Variants in TMEM204 observed in about 807,000 individuals in gnomAD.
TMEM204 encodes the protein claudin-like protein 24.
TMEM204 carries 15 observed loss-of-function variants against 19.4 expected under a neutral mutation model. The ratio of observed to expected loss-of-function variants is 0.77; its 90% CI spans 0.52 to 1.19. TMEM204 has a LOEUF of 1.19. TMEM204 is among the 50% of genes most tolerant of loss of function. The pLI is 0.00. For missense variants in TMEM204, 287 were observed against 321.2 expected (o/e 0.89, Z 0.81); for synonymous variants, 161 against 146.0 (o/e 1.10, Z -0.74).
intron 1 of TMEM204, among the ~76,000 whole-genome samples, chr16:1,536,169 A>G (rs1596322255): frequency 6.6e-6 from 1 of 152,256 alleles, no homozygotes; most frequent in South Asian, 2.1e-4. Context: ...TGCCACCAAC[A>G]CCCACAGGTG....
rs200683297 is a variant in TMEM204 at position 1,534,548 on chromosome 16, C to T, written c.273C>T (p.Thr91=). The change falls in exon 1 of 3, where the codon ACC becomes ACT. Residue 91 remains threonine (T), a synonymous_variant. Coordinates refer to ENST00000566264, the MANE Select transcript of TMEM204 (RefSeq NM_024600.6). Reference sequence around the variant, plus strand: ...CCGGCTTCCAGGAGTCCCGAGGCACCGTCAAACGTAAGTCCAATTGTTTTC... The same window carrying T: ...CCGGCTTCCAGGAGTCCCGAGGCACTGTCAAACGTAAGTCCAATTGTTTTC... ...EAAGFQESRG[T]VKLQFDMMRA... 11 of 1,602,932 alleles carry T rather than the reference C, an allele frequency of 6.9e-6. No homozygotes were observed. The highest frequency in any genetic ancestry group is 1.3e-5 in the African/African-American group (1 of 74,926).
At chr16:1,540,447 C>T (rs2031525398) in intron 1 of TMEM204, among the ~76,000 whole-genome samples, 1 of 152,234 alleles carries the variant, frequency 6.6e-6, no homozygotes, top group African/African-American at 2.4e-5. Flanking sequence ...GACAGCTTCC[C>T]CTGCTGGGCT....
chr16:1,541,805 G>C, intron 1 of TMEM204, 116 bp from the exon 2 acceptor site: 1 of 1,295,538 alleles, frequency 7.7e-7, no homozygotes, highest in South Asian at 1.5e-5. Context: ...TGGAGGCACA[G>C]CCTGTGCCGA....
rs150087589 is a variant in TMEM204, at chr16:1,551,701, C to T, written c.437-3081C>T. ...TGTTCACGGAAGAGCCTAAGATCAG[C>T]GGCACTTCAGTCTTCTACGGGGTTT... On this transcript the variant is annotated intron_variant, in intron 2 of 2. Coordinates refer to ENST00000566264, the MANE Select transcript of TMEM204 (RefSeq NM_024600.6). This position sits in a 1 kb window ranked among gnomAD's most constrained non-coding sequence, Gnocchi z 4.0. 5.5e-3 allele frequency among the ~76,000 whole-genome samples: 833 copies of T among 152,250 alleles called. 8 individuals carry two copies. The highest frequency in any genetic ancestry group is 0.019 in the African/African-American group (805 of 41,518).
chr16:1,534,460 G>T lies in TMEM204; in HGVS notation c.185G>T (p.Gly62Val). The T allele has an allele frequency of 6.2e-7, 1 of 1,611,304 alleles. No homozygotes were observed. ...AGGACCCGGGGAGGGCCGAGCCCTG[G>T]GGCCAGAGCCGGCCAGGTGGACGCA... The part of the protein sequence containing the change: ...VDRTRGGPSP[G>V]ARAGQVDAHD... The change falls in exon 1 of 3, where the codon GGG becomes GTG. Residue 62 changes from glycine to valine, a missense_variant. Transcript: ENST00000566264.
chr16:1,542,973 C>G (rs889343837), intron 2 of TMEM204, among the ~76,000 whole-genome samples: 1 of 152,254 alleles, frequency 6.6e-6, no homozygotes, highest in African/African-American at 2.4e-5. Context: ...AGTGCTTGAG[C>G]CACAGCAGTG....
intron 2 of TMEM204, 64 bp downstream of exon 2, chr16:1,542,140 A>T: frequency 6.9e-7 from 1 of 1,458,338 alleles, no homozygotes; most frequent in Non-Finnish European, 9.1e-7. Flanking sequence ...GTGCCACAGG[A>T]GGGTCCTGAG....
Position 1,551,648 on chromosome 16 carries a change from A to C in TMEM204, c.437-3134A>C, listed in dbSNP as rs2032644757. On this transcript the variant is annotated intron_variant, in intron 2 of 2. Transcript: ENST00000566264. The surrounding 1 kb of genome is among the most constrained non-coding windows in gnomAD (Gnocchi z 4.0). ...CCTTGAAACGTCCAGCACATTCCTC[A>C]CTGTCGAACCCAACTTCAGGACATG... 6.6e-6 allele frequency among the ~76,000 whole-genome samples: 1 copy of C among 152,178 alleles called. No homozygotes were observed. The highest frequency in any genetic ancestry group is 2.4e-5 in the African/African-American group (1 of 41,438).
chr16:1,553,127 G>C lies in TMEM204; in HGVS notation c.437-1655G>C, dbSNP rs532039270. On this transcript the variant is annotated intron_variant, in intron 2 of 2. Coordinates refer to ENST00000566264, the MANE Select transcript of TMEM204 (RefSeq NM_024600.6). This position sits in a 1 kb window ranked among gnomAD's most constrained non-coding sequence, Gnocchi z 4.4. ...CTGGAGGGTACAGTGATGATGAAAA[G>C]ATAATGCTTGGGTTTTTAGGAAAAA... The C allele has an allele frequency of 3.0e-6, 3 of 985,414 alleles. No individual in the cohort carries two copies. The African/African-American group carries it at 5.2e-5, about 17-fold the overall frequency. 61.0% of individuals were successfully genotyped at this position (985,414 alleles called of 1,614,324 possible). A position where few individuals can be genotyped will look rare whatever the true frequency, so the allele number is the denominator to read the frequency against.
chr16:1,547,717 G>A (rs1393346550), intron 2 of TMEM204, among the ~76,000 whole-genome samples: 3 of 152,110 alleles, frequency 2.0e-5, no homozygotes, highest in Non-Finnish European at 4.4e-5. Context: ...TGTATTTTTG[G>A]TAGAGATGGG....
rs1341593624 is a variant in TMEM204, at chr16:1,555,076, C to T, written c.*50C>T. 1 of 1,561,198 alleles carries T rather than the reference C, an allele frequency of 6.4e-7. No individual in the cohort carries two copies. The highest frequency in any genetic ancestry group is 8.6e-7 in the Non-Finnish European group (1 of 1,156,704). On this transcript the variant is annotated 3_prime_UTR_variant, in exon 3 of 3. Coordinates refer to ENST00000566264, the MANE Select transcript of TMEM204 (RefSeq NM_024600.6). ...ACGCACACCTGCTATCGTGGAACAG[C>T]CTAGAAACCAAGGGACTCCACCACC...
At chr16:1,537,014 C>T (rs1318322913) in intron 1 of TMEM204, among the ~76,000 whole-genome samples, 1 of 152,236 alleles carries the variant, frequency 6.6e-6, no homozygotes, top group African/African-American at 2.4e-5. Flanking sequence ...CTAGCCTGGC[C>T]ACCCCACTGA....
At chr16:1,538,768 C>T (rs2031324662) in intron 1 of TMEM204, among the ~76,000 whole-genome samples, 1 of 152,200 alleles carries the variant, frequency 6.6e-6, no homozygotes, top group East Asian at 1.9e-4. Context: ...AATGTGTGGA[C>T]AGGACGCCCT....
upstream of TMEM204, among the ~76,000 whole-genome samples, chr16:1,529,040 G>A (rs768111111): frequency 1.3e-5 from 2 of 152,188 alleles, no homozygotes; most frequent in African/African-American, 2.4e-5. Flanking sequence ...GGGGCTGGAC[G>A]CAGGTTCCTG....
rs937633249 is a variant in TMEM204 at position 1,533,898 on chromosome 16, C to T, written c.-378C>T. 1 of 294,426 alleles carries T rather than the reference C, an allele frequency of 3.4e-6. No homozygotes were observed. The highest frequency in any genetic ancestry group is 6.4e-6 in the Non-Finnish European group (1 of 156,508). The allele number at this position is 294,426 out of a possible 1,614,324, so 18.2% of individuals were successfully genotyped here. A position where few individuals can be genotyped will look rare whatever the true frequency, so the allele number is the denominator to read the frequency against. ...GCGCGGGCTCGACTCCCACTGCTGC[C>T]GGCCTCCCGAGTGACTCTGTTTTCC... is the stretch of plus-strand genomic sequence containing the variant. On this transcript the variant is annotated 5_prime_UTR_variant, in exon 1 of 3. Transcript: ENST00000566264. The surrounding 1 kb of genome is among the most constrained non-coding windows in gnomAD (Gnocchi z 4.7).
chr16:1,534,634 G>C (rs2030878604), intron 1 of TMEM204, 79 bp downstream of exon 1: 4 of 1,585,714 alleles, frequency 2.5e-6, no homozygotes, highest in Non-Finnish European at 3.4e-6. Flanking sequence ...CGCGGACCTG[G>C]TGAGCGGGTG....
intron 1 of TMEM204, chr16:1,540,795 GT>G (rs2031557942): frequency 1.0e-6 from 1 of 980,092 alleles, no homozygotes; most frequent in Admixed American, 6.2e-5. Flanking sequence ...TAACGACTTA[GT>G]TTTGGGAATC....
chr16:1,534,100 A>G lies in TMEM204; in HGVS notation c.-176A>G. ...CTGCTCCAGGTGCAGGAAGGAGGAT[A>G]AGGCCGGGCCGAGAGGCGGCACACC... On this transcript the variant is annotated 5_prime_UTR_variant, in exon 1 of 3. In the 5' UTR this introduces an upstream ATG that the reference lacks. Transcript: ENST00000566264. The G allele has an allele frequency of 4.1e-6, 3 of 729,844 alleles. No individual in the cohort carries two copies. The highest frequency in any genetic ancestry group is 6.4e-6 in the Non-Finnish European group (3 of 471,034). The allele number at this position is 729,844 out of a possible 1,614,324, so 45.2% of individuals were successfully genotyped here. A position where few individuals can be genotyped will look rare whatever the true frequency, so the allele number is the denominator to read the frequency against.
rs774099296 is a variant in TMEM204 at position 1,534,549 on chromosome 16, G to C, written c.274G>C (p.Val92Leu). 6.2e-7 allele frequency: 1 copy of C among 1,603,010 alleles called. No individual in the cohort carries two copies. Reference protein sequence around the residue: ...AAGFQESRGTVKLQFDMMRAC... With the variant: ...AAGFQESRGTLKLQFDMMRAC... ...CGGCTTCCAGGAGTCCCGAGGCACC[G>C]TCAAACGTAAGTCCAATTGTTTTCC... The change falls in exon 1 of 3, where the codon GTC (valine) becomes CTC (leucine). Residue 92 changes from valine (V) to leucine (L), a missense_variant. Coordinates refer to ENST00000566264, the MANE Select transcript of TMEM204 (RefSeq NM_024600.6).
Sources: gnomAD v4.1 joint callset for allele counts (sites outside exome capture counted in the v4.1 genomes callset) on GRCh38, gnomAD v4.1.1 for gene constraint, Gnocchi (gnomAD v3.1) non-coding constraint, MANE v1.5 for transcripts, NCBI Gene and HGNC (gene_info 2026-07-23, HGNC 2026-07-21) for gene names.